The following GPC5 variants were observed in gnomAD, a reference collection of about 807,000 sequenced individuals.
GPC5 encodes glypican-5.
In GPC5, 47 loss-of-function variants were observed where a neutral mutation model predicts 53.9. That is an observed-to-expected ratio of 0.87 (90% confidence interval 0.69 to 1.11). The LOEUF (loss-of-function observed/expected upper bound fraction) is 1.11. Ranked by LOEUF, GPC5 falls within the 50% of genes most tolerant of loss-of-function variation. The pLI is 0.00. For missense variants in GPC5, 748 were observed against 713.1 expected, an observed-to-expected ratio of 1.05 and a Z score of -0.56; for synonymous variants, 286 against 263.3, an observed-to-expected ratio of 1.09 and a Z score of -0.84.
chr13:91,707,314 A>G (rs2036127361), intron 3 of GPC5, among the ~76,000 whole-genome samples: 1 of 152,186 alleles, frequency 6.6e-6, no homozygotes, highest in African/African-American at 2.4e-5. Flanking sequence ...CACACTGAGT[A>G]GGTTGGCTAT....
At chr13:92,074,066 G>A (rs1489403607) in intron 6 of GPC5, among the ~76,000 whole-genome samples, 1 of 151,974 alleles carries the variant, frequency 6.6e-6, no homozygotes, top group Non-Finnish European at 1.5e-5. Context: ...AGTTCAACGC[G>A]AATTTTGTGA....
At chr13:92,176,189 C>T (rs992079166) in intron 7 of GPC5, among the ~76,000 whole-genome samples, 6 of 152,098 alleles carry the variant, frequency 3.9e-5, no homozygotes, top group Non-Finnish European at 7.4e-5. Context: ...AGGATGGAGC[C>T]GGTGACTCTG....
In GPC5 at chr13:91,921,581, A is replaced by G. The variant is rs1042543891; in HGVS notation, c.1401+13524A>G. ...GGATATCAAAAAGATTTCCATAAAA[A>G]AATCAGTATAGTATTACCCTAAAAA... On this transcript the variant is annotated intron_variant, in intron 6 of 7. Transcript: ENST00000377067. Among the ~76,000 whole-genome samples, 7 of 152,170 alleles carry G rather than the reference A, an allele frequency of 4.6e-5. 1 individual carries two copies. In the East Asian group the frequency reaches 5.8e-4, roughly 13 times the overall value.
chr13:91,924,755 T>C (rs2039750563), intron 6 of GPC5, among the ~76,000 whole-genome samples: 1 of 151,420 alleles, frequency 6.6e-6, no homozygotes, highest in Admixed American at 6.6e-5. Flanking sequence ...ATAATAATCA[T>C]AAAATAAAAT....
intron 2 of GPC5, among the ~76,000 whole-genome samples, chr13:91,567,074 T>C (rs1214027402): frequency 6.6e-6 from 1 of 152,142 alleles, no homozygotes; most frequent in Non-Finnish European, 1.5e-5. Context: ...ATCATGCTTT[T>C]ATTTCAGATC....
chr13:92,518,146 GTC>G (rs914565508), intron 7 of GPC5, among the ~76,000 whole-genome samples: 20 of 152,150 alleles, frequency 1.3e-4, no homozygotes, highest in Non-Finnish European at 2.9e-4. Flanking sequence ...CCAAATCTAC[GTC>G]TGATTGTTGT....
intron 6 of GPC5, among the ~76,000 whole-genome samples, chr13:91,982,900 CA>C (rs768631611): frequency 6.6e-6 from 1 of 152,142 alleles, no homozygotes; most frequent in Non-Finnish European, 1.5e-5. Context: ...CCTTTACTCA[CA>C]GACACATACT....
chr13:92,535,534 T>C (rs1881697555), intron 7 of GPC5, among the ~76,000 whole-genome samples: 3 of 152,170 alleles, frequency 2.0e-5, no homozygotes, highest in East Asian at 3.9e-4. Context: ...TGGCATCTCA[T>C]TGGAGGCAGT....
intron 5 of GPC5, among the ~76,000 whole-genome samples, chr13:91,784,545 A>G (rs2037847837): frequency 6.6e-6 from 1 of 152,086 alleles, no homozygotes; most frequent in Admixed American, 6.6e-5. Flanking sequence ...ACCAAGATGG[A>G]AAAACCTGGT....
At chr13:92,067,654 A>G (rs2041177831) in intron 6 of GPC5, among the ~76,000 whole-genome samples, 8 of 151,994 alleles carry the variant, frequency 5.3e-5, no homozygotes, top group Admixed American at 5.2e-4. Context: ...TACTGTATTT[A>G]TCAAGTTGTA....
chr13:92,826,606 T>A (rs2138816000), intron 7 of GPC5, among the ~76,000 whole-genome samples: 1 of 152,292 alleles, frequency 6.6e-6, no homozygotes, highest in East Asian at 1.9e-4. Flanking sequence ...TGGAAATGTT[T>A]GAGAATCTCC....
At chr13:92,826,160 G>A (rs550857563) in intron 7 of GPC5, among the ~76,000 whole-genome samples, 2 of 152,180 alleles carry the variant, frequency 1.3e-5, no homozygotes, top group East Asian at 1.9e-4. Flanking sequence ...GTTAGATCAC[G>A]TTACCAGGCA....
chr13:91,435,565 A>G (rs1404868666), intron 1 of GPC5, among the ~76,000 whole-genome samples: 1 of 152,100 alleles, frequency 6.6e-6, no homozygotes, highest in Non-Finnish European at 1.5e-5. Flanking sequence ...AAGCTTTTTG[A>G]TATGCTGCTG....
intron 2 of GPC5, among the ~76,000 whole-genome samples, chr13:91,466,658 C>T (rs1882257859): frequency 1.3e-5 from 2 of 151,814 alleles, no homozygotes; most frequent in Admixed American, 6.6e-5. Flanking sequence ...TGATAGAGAG[C>T]AGAGGAGAAA....
chr13:92,579,308 TCCCTCCC>T (rs1883300176), intron 7 of GPC5, among the ~76,000 whole-genome samples: 1 of 86,320 alleles, frequency 1.2e-5, no homozygotes, highest in Non-Finnish European at 2.1e-5. Flanking sequence ...TCTCCCTCCC[TCCCTCCC>T]TCCCTCCCTC....
At chr13:92,008,208 G>C (rs9583988) in intron 6 of GPC5, among the ~76,000 whole-genome samples, 1 of 151,736 alleles carries the variant, frequency 6.6e-6, no homozygotes, top group African/African-American at 2.4e-5. Context: ...GACTACAGGC[G>C]CCCGCTACCA....
At chr13:92,683,317 T>A (rs1887163421) in intron 7 of GPC5, among the ~76,000 whole-genome samples, 1 of 152,148 alleles carries the variant, frequency 6.6e-6, no homozygotes, top group Non-Finnish European at 1.5e-5. Flanking sequence ...GGAATGTGGG[T>A]TACATAGCAA....
chr13:92,566,913 T>C (rs1249197093), intron 7 of GPC5, among the ~76,000 whole-genome samples: 6 of 152,168 alleles, frequency 3.9e-5, no homozygotes, highest in Non-Finnish European at 7.3e-5. Flanking sequence ...GCTTTTTTGC[T>C]ATTATTGACC....
Position 92,693,406 on chromosome 13 carries a change from T to C in GPC5, c.1562-172876T>C, listed in dbSNP as rs185272574. 4.5e-4 allele frequency among the ~76,000 whole-genome samples: 69 copies of C among 152,266 alleles called. 1 individual carries two copies. The South Asian group carries it at 7.7e-3, about 17-fold the overall frequency. Reference sequence around the variant, plus strand: ...ACTTGTTGGATGGTTTTGACTAACATGCTGATAGTAATATGAAAAGTGAAG... The same window carrying C: ...ACTTGTTGGATGGTTTTGACTAACACGCTGATAGTAATATGAAAAGTGAAG... On this transcript the variant is annotated intron_variant, in intron 7 of 7. Transcript: ENST00000377067.
Sources: allele counts gnomAD v4.1 joint callset (sites outside exome capture counted in the v4.1 genomes callset), GRCh38; gene constraint gnomAD v4.1.1; transcripts MANE v1.5; gene names NCBI Gene and HGNC (gene_info 2026-07-23, HGNC 2026-07-21).